Variants in CHRNA2 observed in about 807,000 individuals in gnomAD.
CHRNA2 encodes the protein neuronal acetylcholine receptor subunit alpha-2.
A neutral mutation model predicts 45.5 loss-of-function variants in CHRNA2; 40 were observed. The observed-to-expected ratio is 0.88, with a 90% CI of 0.68 to 1.15. CHRNA2 has a LOEUF of 1.15. Among genes scored for constraint, CHRNA2 ranks in the 50% most tolerant of loss-of-function variants. The pLI is 0.00. For synonymous variants in CHRNA2, 301 were observed against 296.7 expected (o/e 1.01, Z -0.15); for missense variants, 655 against 701.7 (o/e 0.93, Z 0.75).
chr8:27,461,842 C>G, intron 6 of CHRNA2, 88 bp from the exon 7 acceptor site: 3 of 1,591,894 alleles, frequency 1.9e-6, no homozygotes, highest in East Asian at 2.2e-5. Context: ...CAGGCGGCCA[C>G]TGGGGGCAGC....
chr8:27,478,651 C>T (rs1813133630), intron 1 of CHRNA2, among the ~76,000 whole-genome samples, 173 bp downstream of exon 1: 1 of 152,168 alleles, frequency 6.6e-6, no homozygotes. Flanking sequence ...CTGTGGACAG[C>T]TCCAGCAGGG....
Position 27,463,918 on chromosome 8 carries a change from G to T in CHRNA2, c.525C>A (p.Pro175=), listed in dbSNP as rs1026442070. The change falls in exon 6 of 7, where the codon CCC becomes CCA. Residue 175 remains proline, a synonymous_variant. Transcript: ENST00000407991. This position sits in a 1 kb window ranked among gnomAD's most constrained non-coding sequence, Gnocchi z 6.1. ...LFSTGTVHWV[P]PAIYKSSCSI... ...TGCAGGAGCTCTTGTAGATGGCCGG[G>T]GGCACCCAGTGCACAGTGCCCGTGG... 6.2e-7 allele frequency: 1 copy of T among 1,614,026 alleles called. No individual in the cohort carries two copies. Among genetic ancestry groups the T allele is most frequent in the African/African-American group, 1.3e-5 (1 of 74,892 alleles).
At chr8:27,464,103 A>G (rs1812622976) in intron 5 of CHRNA2, 110 bp from the exon 6 acceptor site, 2 of 1,266,902 alleles carry the variant, frequency 1.6e-6, no homozygotes, top group Non-Finnish European at 2.3e-6. Context: ...AGACCCGGCC[A>G]CACTGGCGGG....
At chr8:27,470,185 G>A (rs1204846428) in intron 2 of CHRNA2, among the ~76,000 whole-genome samples, 1 of 152,220 alleles carries the variant, frequency 6.6e-6, no homozygotes, top group Admixed American at 6.5e-5. Context: ...GAAGAAAAGA[G>A]TGAGAACTAG....
At position 27,461,281 on chromosome 8, in the gene CHRNA2, G is replaced by A. The variant is rs930285465; in HGVS notation, c.*348C>T. 7.8e-5 allele frequency: 23 copies of A among 293,796 alleles called. No individual in the cohort carries two copies. Among genetic ancestry groups the A allele is most frequent in the Admixed American group, 1.3e-4 (3 of 23,180 alleles). The allele number at this position is 293,796 out of a possible 1,614,324, so 18.2% of individuals were successfully genotyped here. A position where few individuals can be genotyped will look rare whatever the true frequency, so the allele number is the denominator to read the frequency against. On this transcript the variant is annotated 3_prime_UTR_variant, in exon 7 of 7. Coordinates refer to ENST00000407991, the MANE Select transcript of CHRNA2 (RefSeq NM_000742.4). ...CTTTGAGGTCTGCATTCCCTTCCTC[G>A]TCACCCTGGCCCCACTGTCCCCCTG...
At chr8:27,462,834 T>G in intron 6 of CHRNA2, 145 bp downstream of exon 6, 1 of 970,002 alleles carries the variant, frequency 1.0e-6, no homozygotes, top group South Asian at 1.4e-5. Context: ...CTCTTGCTAT[T>G]TATTCCATCT....
At chr8:27,464,630 A>G (rs913645661) in intron 5 of CHRNA2, among the ~76,000 whole-genome samples, 8 of 152,150 alleles carry the variant, frequency 5.3e-5, no homozygotes, top group Non-Finnish European at 1.0e-4. Context: ...ATCATTTAAT[A>G]TATTAGAGTG....
At chr8:27,477,395 A>C (rs1813093505) in intron 1 of CHRNA2, among the ~76,000 whole-genome samples, 1 of 152,186 alleles carries the variant, frequency 6.6e-6, no homozygotes, top group African/African-American at 2.4e-5. Context: ...CCTTTTAACC[A>C]AGTGCATTTT....
chr8:27,464,715 G>A (rs925092200), intron 5 of CHRNA2, among the ~76,000 whole-genome samples: 7 of 143,356 alleles, frequency 4.9e-5, no homozygotes, highest in Non-Finnish European at 8.8e-5. Context: ...TTTCCACCTG[G>A]GATCATCCTT....
At position 27,463,025 on chromosome 8, in the gene CHRNA2, A is replaced by C. The variant is rs150254933; in HGVS notation, c.1418T>G (p.Val473Gly). 2.4e-5 allele frequency: 38 copies of C among 1,614,054 alleles called. No individual in the cohort carries two copies. Among genetic ancestry groups the C allele is most frequent in the Admixed American group, 5.0e-5 (3 of 60,026 alleles). The change falls in exon 6 of 7, where the codon GTG (valine) becomes GGG (glycine). Residue 473 changes from valine (V) to glycine (G), a missense_variant. Around this residue, in one of 3 missense-constraint regions of CHRNA2, gnomAD observed 295 missense variants for 280.4 expected, o/e 1.05. Transcript: ENST00000407991. The surrounding 1 kb of genome is among the most constrained non-coding windows in gnomAD (Gnocchi z 6.1). ...SPHMQKALEG[V>G]HYIADHLRSE... ...CCGCAGGTGGTCGGCAATGTAGTGC[A>C]CACCTTCCAGTGCCTTCTGCATGTG...
rs543411406 is a variant in CHRNA2, at chr8:27,464,238, G to A, written c.450-245C>T. Among the ~76,000 whole-genome samples the A allele has an allele frequency of 3.3e-5, 5 of 152,072 alleles. No homozygotes were observed. In the South Asian group the frequency reaches 6.2e-4, roughly 19 times the overall value. ...TGTGAGGAATAGAAGGAAGTACCAAGAATTCTAAAAACAACCACTAATAAC... is the reference window on the plus strand; with the variant it reads ...TGTGAGGAATAGAAGGAAGTACCAAAAATTCTAAAAACAACCACTAATAAC... On this transcript the variant is annotated intron_variant, in intron 5 of 6. Coordinates refer to ENST00000407991, the MANE Select transcript of CHRNA2 (RefSeq NM_000742.4).
chr8:27,477,133 G>A (rs1813085643), intron 1 of CHRNA2: 1 of 152,166 alleles, frequency 6.6e-6, no homozygotes, highest in African/African-American at 2.4e-5. Flanking sequence ...TAACTAGGGG[G>A]GCGATTTCGT....
chr8:27,475,366 T>A (rs979945420), intron 1 of CHRNA2: 5 of 152,224 alleles, frequency 3.3e-5, no homozygotes, highest in African/African-American at 1.2e-4. Context: ...TATTTGTCCT[T>A]AAAAAGGACA....
At chr8:27,472,381 G>A (rs1278245903) in intron 1 of CHRNA2, among the ~76,000 whole-genome samples, 2 of 152,206 alleles carry the variant, frequency 1.3e-5, no homozygotes, top group Non-Finnish European at 2.9e-5. Flanking sequence ...TGGGATCTGA[G>A]CTGTCTCCAG....
Position 27,463,611 on chromosome 8 carries a change from G to A in CHRNA2, c.832C>T (p.Leu278Phe). Residue 278 changes from leucine to phenylalanine, a missense_variant, in exon 6 of 7, where the codon CTC (leucine) becomes TTC (phenylalanine). Physicochemically the swap from Leu to Phe is conservative, Grantham distance 22 (BLOSUM62 0). Coordinates refer to ENST00000407991, the MANE Select transcript of CHRNA2 (RefSeq NM_000742.4). The surrounding 1 kb of genome is among the most constrained non-coding windows in gnomAD (Gnocchi z 6.1). The stretch of plus-strand genomic sequence containing the variant: ...ACCAGCACAGTGAGGCAGGAGATGA[G>A]CAGGCAGGGGATGATGAGGTTGATG... Reference protein sequence around the residue: ...YTINLIIPCLLISCLTVLVFY... With the variant: ...YTINLIIPCLFISCLTVLVFY... 1.2e-6 allele frequency: 2 copies of A among 1,614,216 alleles called. No homozygotes were observed. The highest frequency in any genetic ancestry group is 1.7e-6 in the Non-Finnish European group (2 of 1,180,038).
At chr8:27,468,958 C>G (rs1475800802) in intron 4 of CHRNA2, among the ~76,000 whole-genome samples, 4 of 152,198 alleles carry the variant, frequency 2.6e-5, no homozygotes, top group Non-Finnish European at 5.9e-5. Flanking sequence ...CACAGCTGGG[C>G]CCCCTTTTCC....
In CHRNA2 at chr8:27,463,633, G is replaced by C. The variant is rs892421066; in HGVS notation, c.810C>G (p.Ile270Met). The change falls in exon 6 of 7, where the codon ATC (isoleucine) becomes ATG (methionine). Residue 270 changes from isoleucine to methionine, a missense_variant. Physicochemically the swap from Ile to Met is conservative, Grantham distance 10. Transcript: ENST00000407991. The surrounding 1 kb of genome is among the most constrained non-coding windows in gnomAD (Gnocchi z 6.1). ...VIRRLPLFYT[I>M]NLIIPCLLIS... is the part of the protein sequence containing the mutation. Reference sequence around the variant, plus strand: ...TGAGCAGGCAGGGGATGATGAGGTTGATGGTGTAGAAGAGCGGCAGCCGCC... The same window carrying C: ...TGAGCAGGCAGGGGATGATGAGGTTCATGGTGTAGAAGAGCGGCAGCCGCC... The C allele has an allele frequency of 5.0e-6, 8 of 1,614,200 alleles. No individual in the cohort carries two copies. The highest frequency in any genetic ancestry group is 6.8e-6 in the Non-Finnish European group (8 of 1,180,044).
At chr8:27,467,600 C>A (rs565379596) in intron 4 of CHRNA2, 9 of 455,716 alleles carry the variant, frequency 2.0e-5, no homozygotes, top group Non-Finnish European at 3.6e-5. Context: ...CTCTAGTCCT[C>A]GCTCTGCCAA....
chr8:27,463,003 C>T lies in CHRNA2; in HGVS notation c.1440G>A (p.Leu480=), dbSNP rs1812547042. 1 of 1,614,004 alleles carries T rather than the reference C, an allele frequency of 6.2e-7. No individual in the cohort carries two copies. Among genetic ancestry groups the T allele is most frequent in the Non-Finnish European group, 8.5e-7 (1 of 1,180,044 alleles). Residue 480 remains leucine (L), a synonymous_variant, in exon 6 of 7, where the codon CTG becomes CTA. Coordinates refer to ENST00000407991, the MANE Select transcript of CHRNA2 (RefSeq NM_000742.4). The surrounding 1 kb of genome is among the most constrained non-coding windows in gnomAD (Gnocchi z 6.1). The stretch of plus-strand genomic sequence containing the variant: ...CCGAAGAGTCAGCATCCTCAGACCG[C>T]AGGTGGTCGGCAATGTAGTGCACAC... The part of the protein sequence containing the change: ...LEGVHYIADH[L]RSEDADSSVK...
Sources: gnomAD v4.1 joint callset for allele counts (sites outside exome capture counted in the v4.1 genomes callset) on GRCh38, gnomAD v4.1.1 for gene constraint, gnomAD v4.1.1 regional missense constraint, Gnocchi (gnomAD v3.1) non-coding constraint, MANE v1.5 for transcripts, NCBI Gene and HGNC (gene_info 2026-07-23, HGNC 2026-07-21) for gene names.